CCSER1: variants seen among roughly 807,000 people sequenced by gnomAD.
The protein encoded by CCSER1 is coiled-coil serine rich protein 1, also known as serine-rich coiled-coil domain-containing protein 1.
A neutral mutation model predicts 82.0 loss-of-function variants in CCSER1; 41 were observed. The ratio of observed to expected loss-of-function variants is 0.50; its 90% CI spans 0.39 to 0.65. The LOEUF is 0.65. Among genes scored for constraint, CCSER1 ranks in the 30% least tolerant of loss-of-function variants. The probability of loss-of-function intolerance (pLI) is 0.00; values close to 1 mark genes in which losing one functional copy is unlikely to be tolerated. For missense variants in CCSER1, 1,119 were observed against 1,064.2 expected, an observed-to-expected ratio of 1.05 and a Z score of -0.72; for synonymous variants, 414 against 383.9, an observed-to-expected ratio of 1.08 and a Z score of -0.92.
intron 10 of CCSER1, among the ~76,000 whole-genome samples, chr4:91,508,072 T>A (rs1440933999): frequency 6.7e-6 from 1 of 149,512 alleles, no homozygotes; most frequent in Non-Finnish European, 1.5e-5. Context: ...TGTGCCTTTT[T>A]TTTTCTTGCC....
chr4:90,686,998 C>T (rs1349571696), intron 6 of CCSER1, among the ~76,000 whole-genome samples: 1 of 152,156 alleles, frequency 6.6e-6, no homozygotes. Flanking sequence ...AAGTGCCATG[C>T]ATGAAGGTTC....
At chr4:90,362,990 G>T (rs13108388) in intron 3 of CCSER1, among the ~76,000 whole-genome samples, 29,645 of 152,022 alleles carry the variant, frequency 0.2, 3,451 homozygotes, top group South Asian at 0.34. Context: ...ATATGGATCT[G>T]GGATATTTAT....
At chr4:91,160,056 C>A (rs1581674088) in intron 10 of CCSER1, among the ~76,000 whole-genome samples, 1 of 148,846 alleles carries the variant, frequency 6.7e-6, no homozygotes, top group Non-Finnish European at 1.5e-5. Flanking sequence ...CTGCCCCCAC[C>A]CCATGACAGG....
At chr4:91,068,512 A>G (rs1721079123) in intron 9 of CCSER1, among the ~76,000 whole-genome samples, 1 of 152,196 alleles carries the variant, frequency 6.6e-6, no homozygotes, top group Admixed American at 6.5e-5. Flanking sequence ...TTTTAACACA[A>G]TCTGATTTAT....
chr4:91,252,365 C>T (rs1300691395), intron 10 of CCSER1, among the ~76,000 whole-genome samples: 1 of 151,268 alleles, frequency 6.6e-6, no homozygotes, highest in East Asian at 1.9e-4. Flanking sequence ...TAGAAGGACA[C>T]AAAATAATAA....
intron 8 of CCSER1, among the ~76,000 whole-genome samples, chr4:90,848,794 G>T (rs1413902625): frequency 6.6e-6 from 1 of 152,134 alleles, no homozygotes; most frequent in South Asian, 2.1e-4. Context: ...CTGTTCTCGT[G>T]TTAGTGAGTT....
chr4:90,683,436 C>T (rs1053148069), intron 6 of CCSER1, among the ~76,000 whole-genome samples: 3 of 152,038 alleles, frequency 2.0e-5, no homozygotes, highest in Admixed American at 1.3e-4. Flanking sequence ...AAATCATAAT[C>T]TAGTTAAATA....
chr4:90,783,205 A>T (rs1754045379), intron 7 of CCSER1, among the ~76,000 whole-genome samples: 1 of 152,020 alleles, frequency 6.6e-6, no homozygotes, highest in Admixed American at 6.5e-5. Flanking sequence ...GGAAGGCATT[A>T]CTCCTTCCAA....
At chr4:91,279,580 C>T (rs760851001) in intron 10 of CCSER1, among the ~76,000 whole-genome samples, 2 of 151,968 alleles carry the variant, frequency 1.3e-5, no homozygotes, top group Non-Finnish European at 2.9e-5. Context: ...ATCAGTTTAA[C>T]AGTTTCTATT....
At chr4:91,545,077 C>G (rs1761816813) in intron 10 of CCSER1, among the ~76,000 whole-genome samples, 1 of 152,150 alleles carries the variant, frequency 6.6e-6, no homozygotes, top group Admixed American at 6.5e-5. Context: ...GGATTTCAGA[C>G]TGCTGTGCTA....
At chr4:90,895,854 A>G (rs1723632375) in intron 8 of CCSER1, among the ~76,000 whole-genome samples, 1 of 151,948 alleles carries the variant, frequency 6.6e-6, no homozygotes, top group Non-Finnish European at 1.5e-5. Context: ...GAATAATGCT[A>G]AAGTATTTCA....
intron 5 of CCSER1, among the ~76,000 whole-genome samples, chr4:90,514,341 A>G (rs1771953274): frequency 6.6e-6 from 1 of 152,224 alleles, no homozygotes; most frequent in Non-Finnish European, 1.5e-5. Context: ...GGAATTAATC[A>G]TACATCATTT....
rs1366101494 is a variant in CCSER1 at position 90,431,242 on chromosome 4, GAA to G, written c.1603+31116_1603+31117del. ...AGATCTCCTAACAGCTCAGTATGGA[GAA>G]AAGTTAGCCTTTACTTGAAATCTCA... On this transcript the variant is annotated intron_variant, in intron 4 of 10. Coordinates refer to ENST00000509176, the MANE Select transcript of CCSER1 (RefSeq NM_001145065.2). 3.3e-5 allele frequency among the ~76,000 whole-genome samples: 5 copies of G among 152,158 alleles called. No individual in the cohort carries two copies. In the East Asian group the frequency reaches 9.6e-4, roughly 29 times the overall value.
intron 7 of CCSER1, chr4:90,727,318 A>G (rs1047727008): frequency 1.4e-4 from 66 of 455,208 alleles, no homozygotes; most frequent in Middle Eastern, 3.3e-4. Flanking sequence ...AATGTTATCA[A>G]ACATCAACAA....
chr4:90,800,029 G>A (rs1756592740), intron 7 of CCSER1, among the ~76,000 whole-genome samples: 1 of 152,196 alleles, frequency 6.6e-6, no homozygotes, highest in Admixed American at 6.5e-5. Context: ...CAGCTTCTGT[G>A]TCTTCCTTCT....
At chr4:90,369,919 T>C (rs768614664) in intron 3 of CCSER1, among the ~76,000 whole-genome samples, 2 of 152,086 alleles carry the variant, frequency 1.3e-5, no homozygotes, top group Non-Finnish European at 2.9e-5. Context: ...GTTTATTAGA[T>C]GAAAATAAAA....
At chr4:90,215,494 G>A (rs888675657) in intron 1 of CCSER1, among the ~76,000 whole-genome samples, 13 of 152,058 alleles carry the variant, frequency 8.5e-5, no homozygotes, top group Admixed American at 2.0e-4. Context: ...AGCTTTCACT[G>A]TATAGATTTC....
chr4:91,474,050 A>G (rs1241369401), intron 10 of CCSER1, among the ~76,000 whole-genome samples: 1 of 152,108 alleles, frequency 6.6e-6, no homozygotes, highest in Non-Finnish European at 1.5e-5. Flanking sequence ...AGATTTTCAG[A>G]GTCATGAGTA....
rs546280180 is a variant in CCSER1 at position 90,352,950 on chromosome 4, T to C, written c.1509+39903T>C. On this transcript the variant is annotated intron_variant, in intron 3 of 10. Coordinates refer to ENST00000509176, the MANE Select transcript of CCSER1 (RefSeq NM_001145065.2). ...ATACCACCTGTGATTGTTTACCCAGTATTGATAGCCTGCAATATGCAGAGC... is the reference window on the plus strand; with the variant it reads ...ATACCACCTGTGATTGTTTACCCAGCATTGATAGCCTGCAATATGCAGAGC... 3.3e-5 allele frequency among the ~76,000 whole-genome samples: 5 copies of C among 151,870 alleles called. No homozygotes were observed. The South Asian group carries it at 1.0e-3, about 32-fold the overall frequency.
Sources: allele counts gnomAD v4.1 joint callset (sites outside exome capture counted in the v4.1 genomes callset), GRCh38; gene constraint gnomAD v4.1.1; transcripts MANE v1.5; gene names NCBI Gene and HGNC (gene_info 2026-07-23, HGNC 2026-07-21).